Variants in SLC24A2 observed in about 807,000 individuals in gnomAD.
SLC24A2 encodes solute carrier family 24 member 2, also known as sodium/potassium/calcium exchanger 2.
A neutral mutation model predicts 62.0 loss-of-function variants in SLC24A2; 36 were observed. The observed-to-expected ratio is 0.58, with a 90% CI of 0.44 to 0.77. The LOEUF is 0.77. SLC24A2 is among the 30% of genes least tolerant of loss of function. The probability of loss-of-function intolerance (pLI) is 0.00; values close to 1 mark genes in which losing one functional copy is unlikely to be tolerated. For missense variants in SLC24A2, 846 were observed against 817.9 expected, an observed-to-expected ratio of 1.03 and a Z score of -0.42; for synonymous variants, 358 against 294.0, an observed-to-expected ratio of 1.22 and a Z score of -2.23.
At chr9:20,089,941 C>G in the SLC24A2 span, among the ~76,000 whole-genome samples, 1 of 152,074 alleles carries the variant, frequency 6.6e-6, no homozygotes, top group Non-Finnish European at 1.5e-5. Flanking sequence ...CTGAATACTC[C>G]CAGTAACTGC....
the SLC24A2 span, among the ~76,000 whole-genome samples, chr9:19,935,274 T>A: frequency 2.0e-5 from 3 of 152,142 alleles, no homozygotes; most frequent in South Asian, 6.2e-4. Flanking sequence ...TAAAAATGTA[T>A]ATTTTTTAAC....
chr9:20,100,646 G>C, the SLC24A2 span, among the ~76,000 whole-genome samples: 35 of 152,242 alleles, frequency 2.3e-4, no homozygotes, highest in African/African-American at 8.4e-4. Flanking sequence ...TTTAAATTAT[G>C]TAATTCATTA....
chr9:20,262,803 C>A, the SLC24A2 span, among the ~76,000 whole-genome samples: 2 of 152,224 alleles, frequency 1.3e-5, no homozygotes, highest in Non-Finnish European at 2.9e-5. Context: ...CTCTGCCCCT[C>A]GTCACGCCCT....
the SLC24A2 span, among the ~76,000 whole-genome samples, chr9:19,835,925 T>G: frequency 7.9e-5 from 12 of 152,260 alleles, no homozygotes; most frequent in South Asian, 8.3e-4. Flanking sequence ...AAGAAACTCA[T>G]TCAAAAACAC....
the SLC24A2 span, among the ~76,000 whole-genome samples, chr9:20,207,128 G>T: frequency 6.6e-6 from 1 of 152,160 alleles, no homozygotes; most frequent in Non-Finnish European, 1.5e-5. Context: ...ATGAATGAAT[G>T]AATCTTTCAA....
chr9:20,158,229 G>A, the SLC24A2 span, among the ~76,000 whole-genome samples: 2 of 151,718 alleles, frequency 1.3e-5, no homozygotes, highest in African/African-American at 4.8e-5. Context: ...TGAATTATAA[G>A]TTGCACAAGG....
chr9:20,125,027 C>T, the SLC24A2 span, among the ~76,000 whole-genome samples: 1 of 152,194 alleles, frequency 6.6e-6, no homozygotes, highest in African/African-American at 2.4e-5. Flanking sequence ...ACCTTAACTT[C>T]TCTGAGCCTC....
chr9:20,165,212 A>G, the SLC24A2 span, among the ~76,000 whole-genome samples: 1 of 151,954 alleles, frequency 6.6e-6, no homozygotes, highest in South Asian at 2.1e-4. Context: ...TCTCAACATC[A>G]TCAGGATGTC....
chr9:19,979,475 C>G, the SLC24A2 span, among the ~76,000 whole-genome samples: 1 of 152,146 alleles, frequency 6.6e-6, no homozygotes, highest in Admixed American at 6.6e-5. Context: ...TTTGTTTAGA[C>G]AAATTTTGAG....
At chr9:19,961,438 G>T in the SLC24A2 span, among the ~76,000 whole-genome samples, 15 of 151,960 alleles carry the variant, frequency 9.9e-5, no homozygotes, top group African/African-American at 3.4e-4. Flanking sequence ...TTTCCAATAA[G>T]TAGACTTAAC....
chr9:19,759,381 T>G (rs996246813), intron 2 of SLC24A2, among the ~76,000 whole-genome samples: 1 of 152,146 alleles, frequency 6.6e-6, no homozygotes, highest in Non-Finnish European at 1.5e-5. Flanking sequence ...CCAGATAAGA[T>G]CAAGGAATAG....
the SLC24A2 span, among the ~76,000 whole-genome samples, chr9:19,892,390 C>G: frequency 6.6e-6 from 1 of 152,212 alleles, no homozygotes; most frequent in Non-Finnish European, 1.5e-5. Flanking sequence ...ATCCCTCTCT[C>G]CCACCAGAAA....
chr9:19,614,263 T>A (rs1368722722), intron 4 of SLC24A2, among the ~76,000 whole-genome samples: 3 of 152,210 alleles, frequency 2.0e-5, no homozygotes, highest in African/African-American at 7.2e-5. Context: ...GGTTTTCTTA[T>A]AAAAGAAAGA....
intron 2 of SLC24A2, among the ~76,000 whole-genome samples, chr9:19,639,286 G>C (rs1022928435): frequency 1.3e-5 from 2 of 152,190 alleles, no homozygotes; most frequent in African/African-American, 4.8e-5. Flanking sequence ...TCCCTATAAT[G>C]AAGTCCTTTT....
chr9:19,957,584 C>G, the SLC24A2 span: 4 of 152,946 alleles, frequency 2.6e-5, no homozygotes, highest in Non-Finnish European at 4.4e-5. Flanking sequence ...CCTCCTGAAG[C>G]AGACTCCTGA....
the SLC24A2 span, among the ~76,000 whole-genome samples, chr9:20,118,647 TAA>T: frequency 6.6e-6 from 1 of 151,590 alleles, no homozygotes; most frequent in Non-Finnish European, 1.5e-5. Context: ...CAGTTAAAAG[TAA>T]AAAAAGAGGA....
At chr9:19,828,401 A>G in the SLC24A2 span, among the ~76,000 whole-genome samples, 1 of 152,194 alleles carries the variant, frequency 6.6e-6, no homozygotes, top group Admixed American at 6.6e-5. Context: ...TGCACCCCAT[A>G]AATAATAACT....
chr9:19,789,435 A>G (rs918507784), upstream of SLC24A2, among the ~76,000 whole-genome samples: 3 of 152,226 alleles, frequency 2.0e-5, no homozygotes, highest in African/African-American at 4.8e-5. Context: ...AAGACGTTCA[A>G]TGAAAAGGCA....
the SLC24A2 span, among the ~76,000 whole-genome samples, chr9:19,812,726 T>C: frequency 6.6e-6 from 1 of 152,140 alleles, no homozygotes; most frequent in Non-Finnish European, 1.5e-5. Flanking sequence ...ATGTCAAATA[T>C]TGTTTATTAC....
Sources: gnomAD v4.1 joint callset for allele counts (sites outside exome capture counted in the v4.1 genomes callset) on GRCh38, gnomAD v4.1.1 for gene constraint, MANE v1.5 for transcripts, NCBI Gene and HGNC (gene_info 2026-07-23, HGNC 2026-07-21) for gene names.